Variants in MYO10 observed in about 807,000 individuals in gnomAD.
MYO10 encodes unconventional myosin-X.
MYO10 carries 133 observed loss-of-function variants against 257.3 expected under a neutral mutation model. The ratio of observed to expected loss-of-function variants is 0.52; its 90% CI spans 0.45 to 0.60. MYO10 has a LOEUF of 0.60. Among genes scored for constraint, MYO10 ranks in the 20% least tolerant of loss-of-function variants. The pLI, the probability that MYO10 is intolerant of heterozygous loss-of-function variation, is 0.00. For synonymous variants in MYO10, 1,104 were observed against 1,028.6 expected (o/e 1.07, Z -1.40); for missense variants, 2,399 against 2,635.7 (o/e 0.91, Z 1.97).
intron 27 of MYO10, among the ~76,000 whole-genome samples, chr5:16,693,867 G>A (rs967114612): frequency 3.3e-5 from 5 of 152,200 alleles, no homozygotes; most frequent in African/African-American, 9.7e-5. Flanking sequence ...TGTTGGATTT[G>A]AAGACCAGCC....
intron 1 of MYO10, among the ~76,000 whole-genome samples, chr5:16,885,187 C>A (rs1475532172): frequency 1.4e-5 from 2 of 148,024 alleles, no homozygotes; most frequent in Non-Finnish European, 3.0e-5. Context: ...TCTCTGTCCA[C>A]TCTGCTTTTT....
At chr5:16,724,944 G>A (rs188773352) in intron 19 of MYO10, among the ~76,000 whole-genome samples, 30 of 152,168 alleles carry the variant, frequency 2.0e-4, no homozygotes, top group Admixed American at 1.3e-3. Flanking sequence ...GCACGCTCAC[G>A]TGTGTGCAGA....
chr5:16,824,989 T>C (rs1045284688), intron 2 of MYO10, among the ~76,000 whole-genome samples: 1 of 152,246 alleles, frequency 6.6e-6, no homozygotes, highest in Non-Finnish European at 1.5e-5. Flanking sequence ...CATTCGTTTT[T>C]ATTTGACCCA....
At chr5:16,755,266 T>C (rs1246738367) in intron 18 of MYO10, among the ~76,000 whole-genome samples, 1 of 152,180 alleles carries the variant, frequency 6.6e-6, no homozygotes, top group Non-Finnish European at 1.5e-5. Flanking sequence ...CCCGGGCTCA[T>C]GCCCTTCTCC....
At chr5:16,875,247 T>C (rs1437964038) in intron 2 of MYO10, among the ~76,000 whole-genome samples, 1 of 152,198 alleles carries the variant, frequency 6.6e-6, no homozygotes, top group African/African-American at 2.4e-5. Context: ...TGTTTAGATA[T>C]TGTTTTCCCT....
intron 30 of MYO10, 106 bp downstream of exon 30, chr5:16,683,774 C>T (rs147106094): frequency 1.9e-5 from 21 of 1,111,280 alleles, no homozygotes; most frequent in Admixed American, 1.4e-4. Flanking sequence ...CACAGCCTTG[C>T]GTGATTTCAC....
intron 1 of MYO10, among the ~76,000 whole-genome samples, chr5:16,896,558 G>T (rs4438877): frequency 2.6e-5 from 4 of 152,062 alleles, no homozygotes; most frequent in African/African-American, 9.6e-5. Flanking sequence ...GTGCCACTGC[G>T]CTCCAGCCTG....
At chr5:16,895,424 C>A (rs1364846958) in intron 1 of MYO10, among the ~76,000 whole-genome samples, 1 of 152,170 alleles carries the variant, frequency 6.6e-6, no homozygotes, top group East Asian at 1.9e-4. Flanking sequence ...GGCCCGAAGC[C>A]AAGGAAGGAA....
intron 26 of MYO10, among the ~76,000 whole-genome samples, chr5:16,697,790 A>C (rs1737825812): frequency 8.1e-6 from 1 of 123,884 alleles, no homozygotes; most frequent in Admixed American, 7.4e-5. Context: ...AAAGTGAAGA[A>C]AAAGGAAGAA....
intron 27 of MYO10, among the ~76,000 whole-genome samples, chr5:16,691,249 G>T (rs1001948284): frequency 2.1e-5 from 3 of 142,994 alleles, no homozygotes; most frequent in African/African-American, 8.0e-5. Flanking sequence ...CAACCTGGGC[G>T]AAAGAGTGAG....
At chr5:16,894,378 G>A (rs1284642416) in intron 1 of MYO10, among the ~76,000 whole-genome samples, 1 of 152,150 alleles carries the variant, frequency 6.6e-6, no homozygotes, top group African/African-American at 2.4e-5. Context: ...AGTGGTTTTT[G>A]ATAATGGCTC....
intron 25 of MYO10, among the ~76,000 whole-genome samples, chr5:16,699,992 G>A (rs1347111640): frequency 1.3e-5 from 2 of 152,042 alleles, no homozygotes; most frequent in African/African-American, 4.8e-5. Context: ...GCTTTTTAAG[G>A]CTATAATTTT....
intron 2 of MYO10, among the ~76,000 whole-genome samples, chr5:16,823,622 C>T (rs998822445): frequency 1.3e-5 from 2 of 150,774 alleles, no homozygotes; most frequent in Non-Finnish European, 3.0e-5. Flanking sequence ...CAGGCGCCCG[C>T]CACCACGCCC....
intron 19 of MYO10, among the ~76,000 whole-genome samples, chr5:16,733,565 G>A (rs1739670352): frequency 6.6e-6 from 1 of 152,062 alleles, no homozygotes; most frequent in African/African-American, 2.4e-5. Flanking sequence ...AGGAAGGAAG[G>A]CCTGGTGGGA....
At chr5:16,753,741 G>T (rs1340025937) in intron 19 of MYO10, among the ~76,000 whole-genome samples, 1 of 152,064 alleles carries the variant, frequency 6.6e-6, no homozygotes. Context: ...AAAGTGCTGG[G>T]ATTACAGGCG....
intron 19 of MYO10, among the ~76,000 whole-genome samples, chr5:16,723,640 C>T (rs764086070): frequency 2.6e-5 from 4 of 152,268 alleles, no homozygotes; most frequent in Middle Eastern, 3.4e-3. Context: ...CAAAAACTTA[C>T]GTCCACACAA....
At chr5:16,766,482 T>C (rs1740872205) in intron 10 of MYO10, among the ~76,000 whole-genome samples, 1 of 152,170 alleles carries the variant, frequency 6.6e-6, no homozygotes, top group Non-Finnish European at 1.5e-5. Flanking sequence ...TCGCCCAGGC[T>C]GGAGTGCAAT....
At chr5:16,826,825 G>A (rs543948206) in intron 2 of MYO10, among the ~76,000 whole-genome samples, 1 of 152,088 alleles carries the variant, frequency 6.6e-6, no homozygotes, top group Non-Finnish European at 1.5e-5. Context: ...TCAAAGTAGT[G>A]ATCAATAACA....
In MYO10 at chr5:16,666,665, CAA is replaced by C; in HGVS notation, c.*25_*26del. On this transcript the variant is annotated 3_prime_UTR_variant, in exon 41 of 41. Transcript: ENST00000513610. ...GCCAGAGGGTGGTGCGTTCAGGTAGCAAAGACAGGTGGGCTCTGTCCCGCCTT... is the reference window on the plus strand; with the variant it reads ...GCCAGAGGGTGGTGCGTTCAGGTAGCAGACAGGTGGGCTCTGTCCCGCCTT... 6.4e-7 allele frequency: 1 copy of C among 1,565,046 alleles called. No homozygotes were observed. The highest frequency in any genetic ancestry group is 1.7e-4 in the Middle Eastern group (1 of 6,004).
Sources: allele counts gnomAD v4.1 joint callset (sites outside exome capture counted in the v4.1 genomes callset), GRCh38; gene constraint gnomAD v4.1.1; transcripts MANE v1.5; gene names NCBI Gene and HGNC (gene_info 2026-07-23, HGNC 2026-07-21).